The following MIS18A variants were observed in gnomAD, a reference collection of about 807,000 sequenced individuals.
MIS18A encodes MIS18 kinetochore protein A.
In MIS18A, 14 loss-of-function variants were observed where a neutral mutation model predicts 25.0. That is an observed-to-expected ratio of 0.56 (90% CI 0.37 to 0.88). The LOEUF (loss-of-function observed/expected upper bound fraction) is 0.88, where lower values mean the gene tolerates loss of function less well. Ranked by LOEUF, MIS18A falls within the 40% of genes least tolerant of loss-of-function variation. The pLI, the probability that MIS18A is intolerant of heterozygous loss-of-function variation, is 0.00. For missense variants in MIS18A, 292 were observed against 290.8 expected, an observed-to-expected ratio of 1.00 and a Z score of -0.03; for synonymous variants, 134 against 118.6, an observed-to-expected ratio of 1.13 and a Z score of -0.84.
At chr21:32,267,283 A>G (rs887872875), downstream of MIS18A, among the ~76,000 whole-genome samples, 2 of 152,196 alleles carry the variant, frequency 1.3e-5, no homozygotes, top group African/African-American at 4.8e-5. Flanking sequence ...TTCAGTGGAG[A>G]CCATGTAATA....
chr21:32,160,267 C>T, the MIS18A span, among the ~76,000 whole-genome samples: 3 of 150,048 alleles, frequency 2.0e-5, no homozygotes, highest in Non-Finnish European at 4.4e-5. Flanking sequence ...GAGCTTAGTC[C>T]TCAATAAACA....
chr21:32,197,352 C>T, the MIS18A span, among the ~76,000 whole-genome samples: 1 of 110,080 alleles, frequency 9.1e-6, no homozygotes. Context: ...TACCCACCCA[C>T]GTGGGGCTGA....
chr21:32,237,265 A>T, the MIS18A span, among the ~76,000 whole-genome samples: 1 of 152,184 alleles, frequency 6.6e-6, no homozygotes, highest in Non-Finnish European at 1.5e-5. Context: ...CCTGCCTGAG[A>T]GGGTCATGCA....
chr21:32,159,977 G>T, the MIS18A span, among the ~76,000 whole-genome samples: 1 of 152,172 alleles, frequency 6.6e-6, no homozygotes, highest in African/African-American at 2.4e-5. Context: ...TTATCTCCTG[G>T]ATCTGAGAAG....
chr21:32,252,185 CA>C, the MIS18A span, among the ~76,000 whole-genome samples: 1 of 126,842 alleles, frequency 7.9e-6, no homozygotes, highest in Non-Finnish European at 1.6e-5. Context: ...GATCCTGTCT[CA>C]AAAAAAGGAA....
chr21:32,237,294 C>T, the MIS18A span, among the ~76,000 whole-genome samples: 1 of 152,212 alleles, frequency 6.6e-6, no homozygotes, highest in South Asian at 2.1e-4. Flanking sequence ...GAGAAACAAA[C>T]CTTGATGCTG....
At chr21:32,207,977 G>A in the MIS18A span, among the ~76,000 whole-genome samples, 2 of 152,292 alleles carry the variant, frequency 1.3e-5, no homozygotes, top group South Asian at 2.1e-4. Context: ...AACAAGGCAC[G>A]CTGCATTTTC....
the MIS18A span, among the ~76,000 whole-genome samples, chr21:32,201,721 G>C: frequency 6.6e-6 from 1 of 152,066 alleles, no homozygotes; most frequent in Non-Finnish European, 1.5e-5. Context: ...GCTGAGGCAG[G>C]AGAATCACTT....
chr21:32,210,975 C>T, the MIS18A span, among the ~76,000 whole-genome samples: 1 of 152,210 alleles, frequency 6.6e-6, no homozygotes, highest in Non-Finnish European at 1.5e-5. Flanking sequence ...AAATAACTCT[C>T]AGGTCATCTT....
the MIS18A span, among the ~76,000 whole-genome samples, chr21:32,242,035 C>G: frequency 6.6e-6 from 1 of 152,344 alleles, no homozygotes; most frequent in East Asian, 1.9e-4. Context: ...CCCGCCACCA[C>G]GCCCGGCTAT....
chr21:32,155,859 C>T, the MIS18A span, among the ~76,000 whole-genome samples: 1 of 151,826 alleles, frequency 6.6e-6, no homozygotes, highest in Non-Finnish European at 1.5e-5. Flanking sequence ...GCCATATAGA[C>T]TTCTTTTAAA....
At chr21:32,204,325 C>T in the MIS18A span, among the ~76,000 whole-genome samples, 1 of 151,718 alleles carries the variant, frequency 6.6e-6, no homozygotes, top group Non-Finnish European at 1.5e-5. Context: ...CATGAAACCC[C>T]ATTGCTACTA....
At chr21:32,276,460 CAAAAAAAAAAAAAAAAA>C (rs558102501) in intron 1 of MIS18A, among the ~76,000 whole-genome samples, 1 of 72,742 alleles carries the variant, frequency 1.4e-5, no homozygotes, top group Non-Finnish European at 2.9e-5. Context: ...GACTCTGTCT[CAAAAAAAAAAAAAAAAA>C]AAAAAAAAAG....
At chr21:32,193,455 T>C in the MIS18A span, among the ~76,000 whole-genome samples, 1 of 151,674 alleles carries the variant, frequency 6.6e-6, no homozygotes, top group Non-Finnish European at 1.5e-5. Flanking sequence ...GTGCTTGATA[T>C]AATAGGTTGA....
the MIS18A span, among the ~76,000 whole-genome samples, chr21:32,186,784 T>C: frequency 6.6e-6 from 1 of 152,184 alleles, no homozygotes; most frequent in Admixed American, 6.5e-5. Flanking sequence ...GAGCACTGAA[T>C]GGGTAGAAAT....
chr21:32,193,091 CA>C, the MIS18A span, among the ~76,000 whole-genome samples: 3 of 152,168 alleles, frequency 2.0e-5, no homozygotes, highest in African/African-American at 7.2e-5. Context: ...CTCACATTTT[CA>C]TTTCATTTTG....
the MIS18A span, among the ~76,000 whole-genome samples, chr21:32,250,257 A>T: frequency 6.6e-6 from 1 of 152,214 alleles, no homozygotes; most frequent in Admixed American, 6.5e-5. Flanking sequence ...GATTTTAAAT[A>T]ATACAGAAAT....
the MIS18A span, among the ~76,000 whole-genome samples, chr21:32,230,218 G>C: frequency 2.6e-5 from 4 of 152,072 alleles, no homozygotes; most frequent in Non-Finnish European, 5.9e-5. Context: ...CAGTGTAACT[G>C]GTTGCTCCCT....
At chr21:32,217,667 T>A in the MIS18A span, among the ~76,000 whole-genome samples, 1,601 of 152,254 alleles carry the variant, frequency 0.011, 24 homozygotes, top group African/African-American at 0.036. Flanking sequence ...CAGAGACTCA[T>A]CATGATCCAA....
Sources: gnomAD v4.1 joint callset for allele counts (sites outside exome capture counted in the v4.1 genomes callset) on GRCh38, gnomAD v4.1.1 for gene constraint, MANE v1.5 for transcripts, NCBI Gene and HGNC (gene_info 2026-07-23, HGNC 2026-07-21) for gene names.